Variants in SLC35F3 observed in about 807,000 individuals in gnomAD.
SLC35F3 encodes the protein solute carrier family 35 member F3.
SLC35F3 carries 25 observed loss-of-function variants against 49.9 expected under a neutral mutation model. The observed-to-expected ratio is 0.50, with a 90% CI of 0.37 to 0.70. The LOEUF is 0.70. Among genes scored for constraint, SLC35F3 ranks in the 30% least tolerant of loss-of-function variants. The pLI is 0.00. For synonymous variants in SLC35F3, 275 were observed against 265.4 expected, an observed-to-expected ratio of 1.04 and a Z score of -0.35; for missense variants, 525 against 639.8, an observed-to-expected ratio of 0.82 and a Z score of 1.94.
chr1:233,909,004 A>C (rs1451031008), intron 2 of SLC35F3, among the ~76,000 whole-genome samples: 1 of 147,702 alleles, frequency 6.8e-6, no homozygotes, highest in Non-Finnish European at 1.5e-5. Flanking sequence ...GACTACAGGC[A>C]CCCACCACCA....
At chr1:234,080,054 A>T (rs1160088697) in intron 2 of SLC35F3, among the ~76,000 whole-genome samples, 1 of 152,216 alleles carries the variant, frequency 6.6e-6, no homozygotes, top group Admixed American at 6.5e-5. Flanking sequence ...TGGTTGCTGG[A>T]GGTGATCAAC....
chr1:234,036,368 GTTGGGCTATTT>G (rs1209584255), intron 2 of SLC35F3, among the ~76,000 whole-genome samples: 5 of 152,204 alleles, frequency 3.3e-5, no homozygotes, highest in African/African-American at 1.2e-4. Context: ...GCCCAGCTTA[GTTGGGCTATTT>G]AATTGAGGGA....
chr1:234,187,632 C>T (rs985745082), intron 2 of SLC35F3, among the ~76,000 whole-genome samples: 11 of 152,182 alleles, frequency 7.2e-5, no homozygotes, highest in African/African-American at 2.7e-4. Flanking sequence ...CGCCCATGAA[C>T]GCGTGCCCTC....
chr1:233,905,010 A>G lies in SLC35F3; in HGVS notation c.-68A>G. On this transcript the variant is annotated 5_prime_UTR_variant, in exon 1 of 8. Coordinates refer to ENST00000366618, the MANE Select transcript of SLC35F3 (RefSeq NM_173508.4). ...CCAGTCTTCCCAGGCTAGCGGCTGC[A>G]GGGAGCTCCGGCCCGCGGCCCCTCC... 2 of 1,501,428 alleles carry G rather than the reference A, an allele frequency of 1.3e-6. No homozygotes were observed. The allele number at this position is 1,501,428 out of a possible 1,614,324, so 93.0% of individuals were successfully genotyped here.
At chr1:234,291,603 A>C (rs1049643748) in intron 3 of SLC35F3, among the ~76,000 whole-genome samples, 1 of 152,036 alleles carries the variant, frequency 6.6e-6, no homozygotes, top group African/African-American at 2.4e-5. Flanking sequence ...CAAGTGGCTA[A>C]ATTTTTTTAA....
At chr1:234,186,230 A>G (rs773431645) in intron 2 of SLC35F3, among the ~76,000 whole-genome samples, 67 of 151,628 alleles carry the variant, frequency 4.4e-4, no homozygotes, top group Non-Finnish European at 1.8e-4. Flanking sequence ...GACTTGCTTC[A>G]AAGCATTGCT....
At chr1:233,914,946 A>C (rs936462512) in intron 2 of SLC35F3, among the ~76,000 whole-genome samples, 6 of 152,216 alleles carry the variant, frequency 3.9e-5, no homozygotes, top group Non-Finnish European at 5.9e-5. Flanking sequence ...TGCCTAGGAC[A>C]TGGGCACAGA....
chr1:234,245,200 A>G (rs965229565), intron 3 of SLC35F3, among the ~76,000 whole-genome samples: 7 of 152,192 alleles, frequency 4.6e-5, no homozygotes, highest in African/African-American at 1.4e-4. Flanking sequence ...TAGCTCCTGC[A>G]TGAGTGAGAA....
At chr1:234,085,577 C>G (rs1664949037) in intron 2 of SLC35F3, among the ~76,000 whole-genome samples, 1 of 152,142 alleles carries the variant, frequency 6.6e-6, no homozygotes, top group African/African-American at 2.4e-5. Context: ...ATTGGGCTAC[C>G]TTGTACCCAG....
At chr1:234,230,307 A>G (rs1429068970) in intron 2 of SLC35F3, among the ~76,000 whole-genome samples, 2 of 152,262 alleles carry the variant, frequency 1.3e-5, no homozygotes, top group South Asian at 4.1e-4. Flanking sequence ...AGAAAGTATG[A>G]TATACAAAAC....
intron 2 of SLC35F3, among the ~76,000 whole-genome samples, chr1:233,923,472 T>G (rs573703462): frequency 1.2e-4 from 18 of 152,214 alleles, no homozygotes; most frequent in Admixed American, 3.3e-4. Context: ...GTATAGGAAT[T>G]CTTGTGATTT....
At chr1:234,230,661 C>G (rs1667353335) in intron 2 of SLC35F3, among the ~76,000 whole-genome samples, 1 of 152,226 alleles carries the variant, frequency 6.6e-6, no homozygotes, top group Non-Finnish European at 1.5e-5. Flanking sequence ...CAGAGCCAAG[C>G]TTTGGGCTGC....
At chr1:233,956,478 G>T (rs1363118736) in intron 2 of SLC35F3, among the ~76,000 whole-genome samples, 1 of 152,208 alleles carries the variant, frequency 6.6e-6, no homozygotes, top group Non-Finnish European at 1.5e-5. Flanking sequence ...GGTTGTGGGG[G>T]AAAGGCAATG....
intron 2 of SLC35F3, among the ~76,000 whole-genome samples, chr1:234,128,131 A>T (rs1012402165): frequency 1.3e-5 from 2 of 152,174 alleles, no homozygotes; most frequent in African/African-American, 4.8e-5. Context: ...CATAAGGAAG[A>T]GTAAGATCTA....
intron 3 of SLC35F3, chr1:234,274,406 G>A (rs1668163420): frequency 1.3e-5 from 2 of 152,172 alleles, no homozygotes; most frequent in African/African-American, 4.8e-5. Context: ...TATAAGACAT[G>A]GTCTGGTATT....
chr1:234,026,583 C>T (rs890108068), intron 2 of SLC35F3, among the ~76,000 whole-genome samples: 8 of 152,058 alleles, frequency 5.3e-5, no homozygotes, highest in Non-Finnish European at 8.8e-5. Flanking sequence ...GAAAAATAAG[C>T]GTTTAAGAAG....
chr1:234,181,382 G>A (rs7543208), intron 2 of SLC35F3, among the ~76,000 whole-genome samples: 53,716 of 149,418 alleles, frequency 0.36, 11,410 homozygotes, highest in African/African-American at 0.6. Flanking sequence ...AAAGAAAAAA[G>A]AGAGAAAAAA....
chr1:233,936,002 A>T (rs1421679983), intron 2 of SLC35F3, among the ~76,000 whole-genome samples: 1 of 152,206 alleles, frequency 6.6e-6, no homozygotes. Context: ...AATAAATAAC[A>T]TAATTCTGTT....
chr1:233,927,024 A>T (rs1662170931), intron 2 of SLC35F3, among the ~76,000 whole-genome samples: 1 of 152,124 alleles, frequency 6.6e-6, no homozygotes, highest in African/African-American at 2.4e-5. Flanking sequence ...AGCTTTTTCA[A>T]ATTGGCTTCT....
Sources: allele counts gnomAD v4.1 joint callset (sites outside exome capture counted in the v4.1 genomes callset), GRCh38; gene constraint gnomAD v4.1.1; transcripts MANE v1.5; gene names NCBI Gene and HGNC (gene_info 2026-07-23, HGNC 2026-07-21).